Variants in LINGO2 observed in about 807,000 individuals in gnomAD.
LINGO2 encodes leucine-rich repeat and immunoglobulin-like domain-containing nogo receptor-interacting protein 2.
In LINGO2, 14 loss-of-function variants were observed where a neutral mutation model predicts 30.6. That is an observed-to-expected ratio of 0.46 (90% CI 0.30 to 0.72). The LOEUF is 0.72. Among genes scored for constraint, LINGO2 ranks in the 30% least tolerant of loss-of-function variants. The probability of loss-of-function intolerance (pLI) is 0.07; values close to 1 mark genes in which losing one functional copy is unlikely to be tolerated. For synonymous variants in LINGO2, 317 were observed against 288.5 expected (o/e 1.10, Z -1.00); for missense variants, 729 against 751.7 (o/e 0.97, Z 0.35).
At chr9:28,553,199 T>A (rs2135512328) in intron 1 of LINGO2, among the ~76,000 whole-genome samples, 1 of 152,164 alleles carries the variant, frequency 6.6e-6, no homozygotes, top group Non-Finnish European at 1.5e-5. Context: ...CAAATTACTC[T>A]GAGCTAAGGG....
intron 1 of LINGO2, among the ~76,000 whole-genome samples, chr9:28,478,272 G>GT (rs1032503447): frequency 1.1e-4 from 16 of 152,014 alleles, no homozygotes; most frequent in African/African-American, 2.9e-4. Flanking sequence ...AGCAGCATTT[G>GT]TTTTTTTCCT....
chr9:28,757,167 G>A, the LINGO2 span, among the ~76,000 whole-genome samples: 2 of 152,108 alleles, frequency 1.3e-5, no homozygotes, highest in East Asian at 3.9e-4. Context: ...AGCTATCAAA[G>A]ATAAGATACA....
the LINGO2 span, among the ~76,000 whole-genome samples, chr9:29,065,759 G>A: frequency 6.6e-6 from 1 of 151,756 alleles, no homozygotes; most frequent in Non-Finnish European, 1.5e-5. Flanking sequence ...TAAATTTCCA[G>A]ACAAAATTGT....
Position 28,123,687 on chromosome 9 carries a change from G to A in LINGO2, c.-86-111282C>T, listed in dbSNP as rs1012660633. ...AATATTTGATTTTTTTTTTTTTGAC[G>A]GAGTCTCATTCTGTCGCCCAGGCTG... On this transcript the variant is annotated intron_variant, in intron 4 of 5. Transcript: ENST00000379992. Among the ~76,000 whole-genome samples the A allele has an allele frequency of 1.1e-4, 16 of 150,324 alleles. No individual in the cohort carries two copies. In the South Asian group the frequency reaches 1.9e-3, roughly 18 times the overall value.
chr9:28,250,994 C>A (rs1337969957), intron 4 of LINGO2, among the ~76,000 whole-genome samples: 1 of 152,074 alleles, frequency 6.6e-6, no homozygotes, highest in Non-Finnish European at 1.5e-5. Flanking sequence ...CTGTTCTTCG[C>A]CTCCACCTGG....
intron 4 of LINGO2, among the ~76,000 whole-genome samples, chr9:28,051,530 A>T (rs1300677046): frequency 2.0e-5 from 3 of 152,128 alleles, no homozygotes; most frequent in African/African-American, 7.2e-5. Context: ...CTTGCACTGG[A>T]GACACAGCAG....
the LINGO2 span, among the ~76,000 whole-genome samples, chr9:28,802,631 T>C: frequency 1.3e-5 from 2 of 152,002 alleles, no homozygotes; most frequent in Non-Finnish European, 2.9e-5. Flanking sequence ...TTATGTTGGG[T>C]AGCATGGAAC....
intron 1 of LINGO2, among the ~76,000 whole-genome samples, chr9:28,598,435 CA>C (rs796181424): frequency 0.098 from 10,595 of 108,524 alleles, 633 homozygotes; most frequent in Admixed American, 0.24. Context: ...AAAAAAAAAA[CA>C]AAACAAACAA....
chr9:28,746,719 C>T, the LINGO2 span, among the ~76,000 whole-genome samples: 1 of 151,910 alleles, frequency 6.6e-6, no homozygotes, highest in Admixed American at 6.6e-5. Context: ...AAACACTCTG[C>T]ATAGTGCCTG....
chr9:29,151,972 G>C, the LINGO2 span, among the ~76,000 whole-genome samples: 1 of 152,042 alleles, frequency 6.6e-6, no homozygotes, highest in Non-Finnish European at 1.5e-5. Context: ...TTCTGAGATT[G>C]AACAAGTAAT....
intron 4 of LINGO2, among the ~76,000 whole-genome samples, chr9:28,206,403 C>A (rs1820411903): frequency 6.6e-6 from 1 of 152,002 alleles, no homozygotes; most frequent in South Asian, 2.1e-4. Flanking sequence ...TAGTTTGATA[C>A]TAAATATAAT....
chr9:28,391,860 T>C (rs972602743), intron 2 of LINGO2, among the ~76,000 whole-genome samples: 1 of 152,040 alleles, frequency 6.6e-6, no homozygotes, highest in African/African-American at 2.4e-5. Context: ...TAGGGAAAAA[T>C]AATTCTTAGT....
intron 1 of LINGO2, among the ~76,000 whole-genome samples, chr9:28,476,399 C>T (rs1219405316): frequency 6.6e-6 from 1 of 152,136 alleles, no homozygotes; most frequent in Non-Finnish European, 1.5e-5. Context: ...CCTCAGCCTC[C>T]CGAGTAGCTG....
At chr9:28,509,454 T>C (rs1402918671) in intron 1 of LINGO2, among the ~76,000 whole-genome samples, 3 of 151,908 alleles carry the variant, frequency 2.0e-5, no homozygotes, top group Non-Finnish European at 4.4e-5. Context: ...GATATTTTTC[T>C]AGTCAGTGGT....
At chr9:29,079,697 T>G in the LINGO2 span, among the ~76,000 whole-genome samples, 3 of 151,906 alleles carry the variant, frequency 2.0e-5, no homozygotes, top group Non-Finnish European at 4.4e-5. Context: ...CTCCAGAACA[T>G]ATAAGCAACG....
chr9:28,296,431 AGGGG>A (rs1202405410), intron 3 of LINGO2, among the ~76,000 whole-genome samples: 1 of 152,166 alleles, frequency 6.6e-6, no homozygotes, highest in Non-Finnish European at 1.5e-5. Flanking sequence ...CTAAGTCTGT[AGGGG>A]GACTTGTGAA....
chr9:28,174,257 G>A (rs988495829), intron 4 of LINGO2, among the ~76,000 whole-genome samples: 4 of 152,158 alleles, frequency 2.6e-5, no homozygotes, highest in African/African-American at 9.7e-5. Context: ...TGCATTAATT[G>A]TAAAGGTTTA....
At chr9:28,814,929 T>C in the LINGO2 span, among the ~76,000 whole-genome samples, 3 of 152,342 alleles carry the variant, frequency 2.0e-5, no homozygotes, top group Non-Finnish European at 1.5e-5. Context: ...ATAAGATTCC[T>C]GAATAGTGCT....
intron 4 of LINGO2, among the ~76,000 whole-genome samples, chr9:28,157,066 C>G (rs1047808625): frequency 1.3e-5 from 2 of 152,202 alleles, no homozygotes; most frequent in Non-Finnish European, 2.9e-5. Context: ...CCTTATAGCT[C>G]CACTAGGTGG....
Sources: allele counts gnomAD v4.1 joint callset (sites outside exome capture counted in the v4.1 genomes callset), GRCh38; gene constraint gnomAD v4.1.1; transcripts MANE v1.5; gene names NCBI Gene and HGNC (gene_info 2026-07-23, HGNC 2026-07-21).